MFSD6: variants seen among roughly 807,000 people sequenced by gnomAD.
MFSD6 encodes the protein major facilitator superfamily domain containing 6.
In MFSD6, 26 loss-of-function variants were observed where a neutral mutation model predicts 56.3. That is an observed-to-expected ratio of 0.46 (90% CI 0.34 to 0.64). The LOEUF (loss-of-function observed/expected upper bound fraction) is 0.64. Ranked by LOEUF, MFSD6 falls within the 30% of genes least tolerant of loss-of-function variation. The probability of loss-of-function intolerance (pLI) is 0.01; values close to 1 mark genes in which losing one functional copy is unlikely to be tolerated. For missense variants in MFSD6, 750 were observed against 986.2 expected, an observed-to-expected ratio of 0.76 and a Z score of 3.21; for synonymous variants, 331 against 366.9, an observed-to-expected ratio of 0.90 and a Z score of 1.12.
rs545538585 is a variant in MFSD6 at position 190,462,076 on chromosome 2, A to G, written c.1533-7682A>G. Among the ~76,000 whole-genome samples the G allele has an allele frequency of 2.6e-5, 4 of 152,166 alleles. No individual in the cohort carries two copies. Among genetic ancestry groups the G allele is most frequent in the East Asian group, 3.9e-4 (2 of 5,194 alleles). On this transcript the variant is annotated intron_variant, in intron 3 of 7. Coordinates refer to ENST00000392328, the MANE Select transcript of MFSD6 (RefSeq NM_017694.4). The surrounding 1 kb of genome is among the most constrained non-coding windows in gnomAD (Gnocchi z 5.7). ...TCCTTAGGCGATGAAGGGCCCTATC[A>G]TCGCAGATTTCCAGGATAATCATTG...
chr2:190,430,803 C>T (rs1685950005), intron 2 of MFSD6, among the ~76,000 whole-genome samples: 1 of 146,478 alleles, frequency 6.8e-6, no homozygotes, highest in African/African-American at 2.5e-5. Flanking sequence ...GAGGCGCCCC[C>T]CCCACCTCCC....
chr2:190,476,351 A>T (rs1189581533), intron 4 of MFSD6, among the ~76,000 whole-genome samples: 2 of 152,220 alleles, frequency 1.3e-5, no homozygotes, highest in African/African-American at 4.8e-5. Context: ...GAACTCAAAC[A>T]AATTTATAAG....
chr2:190,428,071 T>C (rs1440989), intron 2 of MFSD6, among the ~76,000 whole-genome samples: 45,947 of 152,096 alleles, frequency 0.3, 7,268 homozygotes, highest in African/African-American at 0.39. Context: ...GTTTTGCCTG[T>C]TTATTATTTT....
At chr2:190,448,109 C>A (rs1422344363) in intron 3 of MFSD6, among the ~76,000 whole-genome samples, 1 of 152,112 alleles carries the variant, frequency 6.6e-6, no homozygotes, top group Non-Finnish European at 1.5e-5. Context: ...GTGTACTGTA[C>A]CTTTTGTGAT....
chr2:190,472,369 A>T (rs1687998115), intron 4 of MFSD6, among the ~76,000 whole-genome samples: 2 of 152,218 alleles, frequency 1.3e-5, no homozygotes, highest in Admixed American at 6.5e-5. Context: ...TAACTACAAT[A>T]ACCAATGCAG....
At chr2:190,411,815 T>G in intron 1 of MFSD6, 1 of 985,368 alleles carries the variant, frequency 1.0e-6, no homozygotes, top group Non-Finnish European at 1.2e-6. Flanking sequence ...AACTCCTCAG[T>G]TTTCCTCCTC....
At position 190,417,965 on chromosome 2, in the gene MFSD6, G is replaced by GGTGTGTGTGTGTGT. The variant is rs59001642; in HGVS notation, c.-54+2575_-54+2588dup. ...CTGACTTTTCATTTAACCCTTTAGTGGTGTGTGTGTGTGTGTGTGTGTGTG... is the reference window on the plus strand; with the variant it reads ...CTGACTTTTCATTTAACCCTTTAGTGGTGTGTGTGTGTGTGTGTGTGTGTGTGTGTGTGTGTGTG... On this transcript the variant is annotated intron_variant, in intron 2 of 7. Coordinates refer to ENST00000392328, the MANE Select transcript of MFSD6 (RefSeq NM_017694.4). This position sits in a 1 kb window ranked among gnomAD's most constrained non-coding sequence, Gnocchi z 5.7. 8.9e-4 allele frequency among the ~76,000 whole-genome samples: 129 copies of GGTGTGTGTGTGTGT among 144,712 alleles called. 1 individual carries two copies. Among genetic ancestry groups the GGTGTGTGTGTGTGT allele is most frequent in the South Asian group, 2.7e-3 (12 of 4,448 alleles). The allele number at this position is 144,712 out of a possible 152,430, so 94.9% of individuals were successfully genotyped here. A position where few individuals can be genotyped will look rare whatever the true frequency, so the allele number is the denominator to read the frequency against.
At position 190,463,844 on chromosome 2, in the gene MFSD6, A is replaced by C; in HGVS notation, c.1533-5914A>C. 1.0e-6 allele frequency: 1 copy of C among 972,880 alleles called. No individual in the cohort carries two copies. Among genetic ancestry groups the C allele is most frequent in the Non-Finnish European group, 1.2e-6 (1 of 818,562 alleles). 60.3% of individuals were successfully genotyped at this position (972,880 alleles called of 1,614,324 possible). On this transcript the variant is annotated intron_variant, in intron 3 of 7. Transcript: ENST00000392328. The surrounding 1 kb of genome is among the most constrained non-coding windows in gnomAD (Gnocchi z 4.4). ...CAAAAATAAATAAATAAATAAAATA[A>C]AAATAAAAAGCTGAGAATGATGGAG...
rs1689792414 is a variant in MFSD6, at chr2:190,497,832, G to A, written c.2172+113G>A. The A allele has an allele frequency of 7.8e-7, 1 of 1,284,496 alleles. No individual in the cohort carries two copies. Among genetic ancestry groups the A allele is most frequent in the Admixed American group, 2.2e-5 (1 of 44,724 alleles). The allele number at this position is 1,284,496 out of a possible 1,614,324, so 79.6% of individuals were successfully genotyped here. A position where few individuals can be genotyped will look rare whatever the true frequency, so the allele number is the denominator to read the frequency against. On this transcript the variant is annotated intron_variant, in intron 7 of 7. Transcript: ENST00000392328. This position sits in a 1 kb window ranked among gnomAD's most constrained non-coding sequence, Gnocchi z 5.2. The stretch of plus-strand genomic sequence containing the variant: ...ACAAGATTTATTGAAAGTCTGGTGG[G>A]GGAAATAGACATGCAAACAATTTCA...
intron 3 of MFSD6, among the ~76,000 whole-genome samples, chr2:190,440,247 A>G: frequency 6.6e-6 from 1 of 152,102 alleles, no homozygotes; most frequent in Non-Finnish European, 1.5e-5. Flanking sequence ...CCAGTTTTGA[A>G]CTCAGTATTT....
chr2:190,495,348 A>G lies in MFSD6; in HGVS notation c.1892-2091A>G, dbSNP rs1689609690. 6.6e-6 allele frequency among the ~76,000 whole-genome samples: 1 copy of G among 152,202 alleles called. No homozygotes were observed. The highest frequency in any genetic ancestry group is 2.1e-4 in the South Asian group (1 of 4,828). On this transcript the variant is annotated intron_variant, in intron 6 of 7. Coordinates refer to ENST00000392328, the MANE Select transcript of MFSD6 (RefSeq NM_017694.4). This position sits in a 1 kb window ranked among gnomAD's most constrained non-coding sequence, Gnocchi z 4.7. Reference sequence around the variant, plus strand: ...AAAACACTGCTGAAAGAAATCATACATGACATACACAAATGGAAACATATC... The same window carrying G: ...AAAACACTGCTGAAAGAAATCATACGTGACATACACAAATGGAAACATATC...
At position 190,490,369 on chromosome 2, in the gene MFSD6, T is replaced by C. The variant is rs918830924; in HGVS notation, c.1891+503T>C. Among the ~76,000 whole-genome samples, 1 of 151,744 alleles carries C rather than the reference T, an allele frequency of 6.6e-6. No individual in the cohort carries two copies. The highest frequency in any genetic ancestry group is 1.5e-5 in the Non-Finnish European group (1 of 67,956). ...ACGAGGTTAGGAGATCAAGACCATC[T>C]TGGCTAACACGGTGAAACCCCATCT... On this transcript the variant is annotated intron_variant, in intron 6 of 7. Transcript: ENST00000392328. This position sits in a 1 kb window ranked among gnomAD's most constrained non-coding sequence, Gnocchi z 4.5.
In MFSD6 at chr2:190,465,079, T is replaced by G. The variant is rs1277443936; in HGVS notation, c.1533-4679T>G. 1 of 238,236 alleles carries G rather than the reference T, an allele frequency of 4.2e-6. No individual in the cohort carries two copies. Among genetic ancestry groups the G allele is most frequent in the Non-Finnish European group, 6.8e-6 (1 of 146,506 alleles). The allele number at this position is 238,236 out of a possible 1,614,324, so 14.8% of individuals were successfully genotyped here. A position where few individuals can be genotyped will look rare whatever the true frequency, so the allele number is the denominator to read the frequency against. Reference sequence around the variant, plus strand: ...AGTTTTATTATAAGATAACCACAAATCAGCTTAAACTGCTAATACTGTGAA... The same window carrying G: ...AGTTTTATTATAAGATAACCACAAAGCAGCTTAAACTGCTAATACTGTGAA... On this transcript the variant is annotated intron_variant, in intron 3 of 7. Transcript: ENST00000392328. The surrounding 1 kb of genome is among the most constrained non-coding windows in gnomAD (Gnocchi z 4.6).
rs1690746263 is a variant in MFSD6, at chr2:190,415,694, T to A, written c.-54+281T>A. On this transcript the variant is annotated intron_variant, in intron 2 of 7. Transcript: ENST00000392328. This position sits in a 1 kb window ranked among gnomAD's most constrained non-coding sequence, Gnocchi z 4.5. Reference sequence around the variant, plus strand: ...AACAGCAAAATAAAACAATTTTAGATTACATATATGGGAAGGTACTAAGGA... The same window carrying A: ...AACAGCAAAATAAAACAATTTTAGAATACATATATGGGAAGGTACTAAGGA... Among the ~76,000 whole-genome samples the A allele has an allele frequency of 6.6e-6, 1 of 152,194 alleles. No individual in the cohort carries two copies. Among genetic ancestry groups the A allele is most frequent in the Admixed American group, 6.5e-5 (1 of 15,278 alleles).
intron 4 of MFSD6, among the ~76,000 whole-genome samples, chr2:190,474,761 C>T (rs1045889217): frequency 6.6e-6 from 1 of 151,944 alleles, no homozygotes; most frequent in Non-Finnish European, 1.5e-5. Context: ...CAGACACAAC[C>T]AAAAAAGAGA....
chr2:190,419,626 G>A (rs933387011), intron 2 of MFSD6, among the ~76,000 whole-genome samples: 2 of 152,130 alleles, frequency 1.3e-5, no homozygotes, highest in Admixed American at 1.3e-4. Context: ...TAATGTATTC[G>A]ATCTCAGGGT....
chr2:190,412,454 A>G lies in MFSD6; in HGVS notation c.-175-2838A>G, dbSNP rs1575811065. ...CAATAGGTTATCTTTAAAGGCAGAA[A>G]TCAAGTGCAAAGTCCTACCCTACTA... On this transcript the variant is annotated intron_variant, in intron 1 of 7. Coordinates refer to ENST00000392328, the MANE Select transcript of MFSD6 (RefSeq NM_017694.4). The surrounding 1 kb of genome is among the most constrained non-coding windows in gnomAD (Gnocchi z 4.1). 1 of 985,308 alleles carries G rather than the reference A, an allele frequency of 1.0e-6. No homozygotes were observed. Among genetic ancestry groups the G allele is most frequent in the Non-Finnish European group, 1.2e-6 (1 of 829,926 alleles). 61.0% of individuals were successfully genotyped at this position (985,308 alleles called of 1,614,324 possible).
At chr2:190,468,229 C>T (rs1462143330) in intron 3 of MFSD6, among the ~76,000 whole-genome samples, 1 of 152,078 alleles carries the variant, frequency 6.6e-6, no homozygotes, top group African/African-American at 2.4e-5. Context: ...AACATAATGT[C>T]CATAGAACAA....
rs1410027763 is a variant in MFSD6, at chr2:190,438,876, A to G, written c.1532+1315A>G. Reference sequence around the variant, plus strand: ...TCAACCTAGTATCAACCATTTCTTTAAGCAATTGTGAGTATTTTTTCTTGT... The same window carrying G: ...TCAACCTAGTATCAACCATTTCTTTGAGCAATTGTGAGTATTTTTTCTTGT... On this transcript the variant is annotated intron_variant, in intron 3 of 7. Coordinates refer to ENST00000392328, the MANE Select transcript of MFSD6 (RefSeq NM_017694.4). The surrounding 1 kb of genome is among the most constrained non-coding windows in gnomAD (Gnocchi z 5.2). Among the ~76,000 whole-genome samples, 1 of 152,166 alleles carries G rather than the reference A, an allele frequency of 6.6e-6. No homozygotes were observed. Among genetic ancestry groups the G allele is most frequent in the Non-Finnish European group, 1.5e-5 (1 of 68,028 alleles).
Sources: allele counts gnomAD v4.1 joint callset (sites outside exome capture counted in the v4.1 genomes callset), GRCh38; gene constraint gnomAD v4.1.1; non-coding constraint Gnocchi (gnomAD v3.1); transcripts MANE v1.5; gene names NCBI Gene and HGNC (gene_info 2026-07-23, HGNC 2026-07-21).